Variants in NTM observed in about 807,000 individuals in gnomAD.
NTM encodes neurotrimin.
In NTM, 13 loss-of-function variants were observed where a neutral mutation model predicts 42.1. The observed-to-expected ratio is 0.31, with a 90% CI of 0.20 to 0.49. NTM has a LOEUF of 0.49. NTM is among the 20% of genes least tolerant of loss of function. The pLI is 0.99. For missense variants in NTM, 373 were observed against 452.8 expected (o/e 0.82, Z 1.60); for synonymous variants, 187 against 179.2 (o/e 1.04, Z -0.35).
chr11:131,723,101 C>T (rs2078559997), intron 1 of NTM, among the ~76,000 whole-genome samples: 1 of 152,220 alleles, frequency 6.6e-6, no homozygotes, highest in South Asian at 2.1e-4. Context: ...TTCTTCTGAT[C>T]CTCATTTTGC....
chr11:132,022,469 A>G (rs2074494057), intron 2 of NTM, among the ~76,000 whole-genome samples: 1 of 152,150 alleles, frequency 6.6e-6, no homozygotes, highest in African/African-American at 2.4e-5. Flanking sequence ...CAGCTCTCTA[A>G]ATTTGTAAGT....
At chr11:131,867,003 G>A (rs2047287732) in intron 1 of NTM, among the ~76,000 whole-genome samples, 1 of 152,322 alleles carries the variant, frequency 6.6e-6, no homozygotes, top group African/African-American at 2.4e-5. Flanking sequence ...GAGGAGGTGG[G>A]GGAAGGGGGC....
intron 2 of NTM, among the ~76,000 whole-genome samples, chr11:132,066,255 C>T (rs1175281080): frequency 6.6e-6 from 1 of 152,170 alleles, no homozygotes; most frequent in Non-Finnish European, 1.5e-5. Flanking sequence ...ATGCTCTGCT[C>T]TCTGTGAATC....
intron 3 of NTM, among the ~76,000 whole-genome samples, chr11:132,151,194 C>T (rs372027992): frequency 1.3e-5 from 2 of 152,222 alleles, no homozygotes; most frequent in African/African-American, 4.8e-5. Flanking sequence ...AGCCATACTA[C>T]TGTCTCCATT....
intron 1 of NTM, among the ~76,000 whole-genome samples, chr11:131,420,492 C>T (rs995185164): frequency 2.0e-5 from 3 of 152,170 alleles, no homozygotes; most frequent in African/African-American, 4.8e-5. Flanking sequence ...AAGGCCACTA[C>T]GTCTGTGGTG....
intron 3 of NTM, among the ~76,000 whole-genome samples, chr11:132,165,487 C>T (rs1423627063): frequency 6.6e-6 from 1 of 152,156 alleles, no homozygotes; most frequent in Non-Finnish European, 1.5e-5. Flanking sequence ...GTCACATGGT[C>T]ACAGTAAAAT....
chr11:131,383,620 A>G (rs921270045), intron 1 of NTM, among the ~76,000 whole-genome samples: 1 of 152,074 alleles, frequency 6.6e-6, no homozygotes, highest in Non-Finnish European at 1.5e-5. Flanking sequence ...TGGGAGGAGG[A>G]ATGTAGGTGG....
At chr11:132,196,792 A>C (rs2138375213) in intron 3 of NTM, among the ~76,000 whole-genome samples, 1 of 152,230 alleles carries the variant, frequency 6.6e-6, no homozygotes, top group Middle Eastern at 3.4e-3. Flanking sequence ...GGATGGGAGA[A>C]AGATATGGGG....
At chr11:132,219,652 G>A (rs1484072265) in intron 4 of NTM, among the ~76,000 whole-genome samples, 1 of 151,756 alleles carries the variant, frequency 6.6e-6, no homozygotes, top group Non-Finnish European at 1.5e-5. Context: ...TCTTCCTCAT[G>A]TGTACTCAAG....
At chr11:132,055,562 G>T (rs572160941) in intron 2 of NTM, among the ~76,000 whole-genome samples, 3 of 152,288 alleles carry the variant, frequency 2.0e-5, no homozygotes, top group Admixed American at 6.5e-5. Flanking sequence ...GGGAGGAGGA[G>T]ACAGTAAACG....
chr11:131,727,307 A>C (rs572797587), intron 1 of NTM, among the ~76,000 whole-genome samples: 1 of 152,350 alleles, frequency 6.6e-6, no homozygotes, highest in African/African-American at 2.4e-5. Flanking sequence ...AAAGTATTTT[A>C]AATATATCTT....
intron 2 of NTM, among the ~76,000 whole-genome samples, chr11:132,047,741 T>G (rs2078221073): frequency 6.6e-6 from 1 of 152,208 alleles, no homozygotes; most frequent in South Asian, 2.1e-4. Context: ...CCCCACTGTT[T>G]TTCCACATAA....
chr11:131,824,372 G>A (rs547597054), intron 1 of NTM, among the ~76,000 whole-genome samples: 1 of 152,294 alleles, frequency 6.6e-6, no homozygotes, highest in Non-Finnish European at 1.5e-5. Context: ...CGTAGAGCTG[G>A]CTTTGGGAAC....
In NTM at chr11:131,884,612, AAATAAAC is replaced by A. The variant is rs1361959576; in HGVS notation, c.83-26948_83-26942del. 2.0e-5 allele frequency among the ~76,000 whole-genome samples: 3 copies of A among 152,210 alleles called. No homozygotes were observed. In the East Asian group the frequency reaches 5.8e-4, roughly 29 times the overall value. ...GCCTGTAACCACTATGACATTCCAC[AAATAAAC>A]AATCCTTGGGTCTAGCACAGGGAAA... is the stretch of plus-strand genomic sequence containing the variant. On this transcript the variant is annotated intron_variant, in intron 1 of 8. Transcript: ENST00000683400.
At chr11:131,425,301 C>G (rs1453667588) in intron 1 of NTM, among the ~76,000 whole-genome samples, 1 of 151,990 alleles carries the variant, frequency 6.6e-6, no homozygotes, top group Non-Finnish European at 1.5e-5. Flanking sequence ...AATCTCTGGC[C>G]ATAGTTTCCC....
At chr11:132,259,132 T>C (rs2092688241) in intron 4 of NTM, among the ~76,000 whole-genome samples, 1 of 152,202 alleles carries the variant, frequency 6.6e-6, no homozygotes, top group African/African-American at 2.4e-5. Flanking sequence ...GTAAGAATCA[T>C]GTATCTAGAA....
chr11:131,457,955 C>T (rs1951047575), intron 1 of NTM, among the ~76,000 whole-genome samples: 2 of 152,174 alleles, frequency 1.3e-5, no homozygotes, highest in South Asian at 2.1e-4. Flanking sequence ...CTCTGACTTC[C>T]AGCCTCCAGA....
intron 2 of NTM, among the ~76,000 whole-genome samples, chr11:131,997,802 C>A (rs1389450378): frequency 6.6e-6 from 1 of 152,150 alleles, no homozygotes; most frequent in Non-Finnish European, 1.5e-5. Flanking sequence ...TTTGCCCAGA[C>A]CCTGTTAGCT....
intron 1 of NTM, among the ~76,000 whole-genome samples, chr11:131,509,117 GT>G (rs2047910746): frequency 6.6e-6 from 1 of 152,100 alleles, no homozygotes; most frequent in African/African-American, 2.4e-5. Flanking sequence ...AACCCCATTT[GT>G]CCCCTTGCCT....
Sources: allele counts gnomAD v4.1 joint callset (sites outside exome capture counted in the v4.1 genomes callset), GRCh38; gene constraint gnomAD v4.1.1; transcripts MANE v1.5; gene names NCBI Gene and HGNC (gene_info 2026-07-23, HGNC 2026-07-21).